The following KLF12 variants were observed in gnomAD, a reference collection of about 807,000 sequenced individuals.
The protein encoded by KLF12 is KLF transcription factor 12, also known as Krueppel-like factor 12.
KLF12 carries 9 observed loss-of-function variants against 37.8 expected under a neutral mutation model. The observed-to-expected ratio is 0.24, with a 90% CI of 0.14 to 0.42. KLF12 has a LOEUF of 0.42. Among genes scored for constraint, KLF12 ranks in the 10% least tolerant of loss-of-function variants. The pLI is 1.00. For synonymous variants in KLF12, 208 were observed against 202.1 expected, an observed-to-expected ratio of 1.03 and a Z score of -0.25; for missense variants, 411 against 516.0, an observed-to-expected ratio of 0.80 and a Z score of 1.97.
rs550298687 is a variant in KLF12, at chr13:73,815,009, C to T, written c.671-1722G>A. Among the ~76,000 whole-genome samples, 167 of 151,384 alleles carry T rather than the reference C, an allele frequency of 1.1e-3. 1 individual carries two copies. Among genetic ancestry groups the T allele is most frequent in the African/African-American group, 3.9e-3 (163 of 41,270 alleles). On this transcript the variant is annotated intron_variant, in intron 4 of 7. Coordinates refer to ENST00000377669, the MANE Select transcript of KLF12 (RefSeq NM_007249.5). Reference sequence around the variant, plus strand: ...AACATGGCTAACAAGGAAATTGTCACATACCAGATTATCCATATTTTCTGG... The same window carrying T: ...AACATGGCTAACAAGGAAATTGTCATATACCAGATTATCCATATTTTCTGG...
intron 6 of KLF12, among the ~76,000 whole-genome samples, chr13:73,754,015 G>A (rs962653206): frequency 1.6e-4 from 25 of 152,110 alleles, no homozygotes; most frequent in African/African-American, 6.0e-4. Context: ...GGAGAGAGAG[G>A]CAGACATGGA....
intron 7 of KLF12, among the ~76,000 whole-genome samples, chr13:73,711,407 A>G (rs1875388440): frequency 6.6e-6 from 1 of 152,242 alleles, no homozygotes; most frequent in Non-Finnish European, 1.5e-5. Context: ...TTCAAAGGAC[A>G]GATGGACTCT....
chr13:73,723,048 A>T (rs919215774), intron 6 of KLF12, among the ~76,000 whole-genome samples: 3 of 152,228 alleles, frequency 2.0e-5, no homozygotes, highest in African/African-American at 7.2e-5. Flanking sequence ...TTGTTTCAAC[A>T]TATTTCAGCA....
At chr13:74,102,653 G>A (rs988386853) in intron 1 of KLF12, among the ~76,000 whole-genome samples, 2 of 151,580 alleles carry the variant, frequency 1.3e-5, no homozygotes, top group South Asian at 2.1e-4. Flanking sequence ...AGCTGAGATC[G>A]CACCACTGCA....
chr13:74,158,986 A>G, the KLF12 span, among the ~76,000 whole-genome samples: 40 of 152,334 alleles, frequency 2.6e-4, no homozygotes, highest in African/African-American at 9.1e-4. Flanking sequence ...ATGTGCGCCT[A>G]CTATGTGCTA....
At chr13:74,034,284 G>A (rs1192614842) in intron 1 of KLF12, among the ~76,000 whole-genome samples, 1 of 151,996 alleles carries the variant, frequency 6.6e-6, no homozygotes. Flanking sequence ...GGCCAGGCTG[G>A]TCTTGAACTC....
At chr13:74,155,823 G>C in the KLF12 span, among the ~76,000 whole-genome samples, 1 of 152,114 alleles carries the variant, frequency 6.6e-6, no homozygotes, top group African/African-American at 2.4e-5. Context: ...GTTGAGAGGA[G>C]TGCTGTTGTT....
chr13:74,217,885 T>A, the KLF12 span, among the ~76,000 whole-genome samples: 2 of 152,220 alleles, frequency 1.3e-5, no homozygotes, highest in African/African-American at 4.8e-5. Context: ...ACATAGTACA[T>A]CACTTACAAT....
chr13:74,151,791 T>C, the KLF12 span, among the ~76,000 whole-genome samples: 1 of 152,142 alleles, frequency 6.6e-6, no homozygotes, highest in Non-Finnish European at 1.5e-5. Context: ...AAGTAACCTA[T>C]CTGCAATGTG....
At chr13:74,237,506 G>A in the KLF12 span, among the ~76,000 whole-genome samples, 54 of 143,882 alleles carry the variant, frequency 3.8e-4, 4 homozygotes, top group African/African-American at 1.5e-3. Context: ...GACGGGGATG[G>A]CATTGAATCT....
intron 3 of KLF12, among the ~76,000 whole-genome samples, chr13:73,879,385 G>A (rs9565055): frequency 0.45 from 67,713 of 151,856 alleles, 15,979 homozygotes; most frequent in East Asian, 0.76. Flanking sequence ...CCACCCCAAC[G>A]TTATGAATGT....
intron 1 of KLF12, among the ~76,000 whole-genome samples, chr13:74,099,561 A>C (rs749365621): frequency 4.6e-4 from 70 of 152,332 alleles, no homozygotes; most frequent in Non-Finnish European, 8.7e-4. Context: ...TTGTCCCTAG[A>C]CACATACATA....
chr13:73,720,503 T>C (rs1233884126), intron 6 of KLF12, among the ~76,000 whole-genome samples: 1 of 152,180 alleles, frequency 6.6e-6, no homozygotes, highest in African/African-American at 2.4e-5. Context: ...ACTAAATATA[T>C]CTGTACAGCC....
At chr13:74,051,068 G>A (rs1030765598) in intron 1 of KLF12, among the ~76,000 whole-genome samples, 12 of 152,198 alleles carry the variant, frequency 7.9e-5, no homozygotes, top group African/African-American at 2.6e-4. Context: ...AAAGGGAACC[G>A]TTTTACACTG....
intron 4 of KLF12, among the ~76,000 whole-genome samples, chr13:73,843,327 A>G (rs1379123486): frequency 6.6e-6 from 1 of 151,304 alleles, no homozygotes; most frequent in Non-Finnish European, 1.5e-5. Context: ...TTTTTTAGAT[A>G]AGAGTCTCAC....
chr13:73,713,223 C>T (rs998717152), intron 7 of KLF12, among the ~76,000 whole-genome samples: 5 of 152,114 alleles, frequency 3.3e-5, no homozygotes, highest in African/African-American at 1.2e-4. Context: ...ATCATTAGAG[C>T]CATTCTGTTC....
chr13:73,943,970 C>G lies in KLF12; in HGVS notation c.123+11G>C. On this transcript the variant is annotated intron_variant, in intron 3 of 7. Transcript: ENST00000377669. Reference sequence around the variant, plus strand: ...AAAAGGAGTGGGGCATTGCTGGAAACTTGTGCTTACCCCTTGTTCAGATTC... The same window carrying G: ...AAAAGGAGTGGGGCATTGCTGGAAAGTTGTGCTTACCCCTTGTTCAGATTC... The G allele has an allele frequency of 6.3e-7, 1 of 1,585,172 alleles. No individual in the cohort carries two copies.
At chr13:73,808,469 A>G (rs1015283756) in intron 5 of KLF12, among the ~76,000 whole-genome samples, 13 of 152,190 alleles carry the variant, frequency 8.5e-5, no homozygotes, top group Admixed American at 3.3e-4. Flanking sequence ...AAATCTATGT[A>G]AACAGAGGTC....
chr13:73,908,120 C>T (rs1245807888), intron 3 of KLF12, among the ~76,000 whole-genome samples: 3 of 152,002 alleles, frequency 2.0e-5, no homozygotes, highest in Admixed American at 6.6e-5. Context: ...TTAATGCTTC[C>T]GGCCAGGCGC....
Sources: allele counts gnomAD v4.1 joint callset (sites outside exome capture counted in the v4.1 genomes callset), GRCh38; gene constraint gnomAD v4.1.1; transcripts MANE v1.5; gene names NCBI Gene and HGNC (gene_info 2026-07-23, HGNC 2026-07-21).